ARMC9: variants seen among roughly 807,000 people sequenced by gnomAD.
The protein encoded by ARMC9 is lisH domain-containing protein ARMC9.
A neutral mutation model predicts 107.0 loss-of-function variants in ARMC9; 94 were observed. That is an observed-to-expected ratio of 0.88 (90% confidence interval 0.74 to 1.04). The LOEUF (loss-of-function observed/expected upper bound fraction) is 1.04, where lower values mean the gene tolerates loss of function less well. Ranked by LOEUF, ARMC9 falls within the 50% of genes least tolerant of loss-of-function variation. The pLI is 0.00. For synonymous variants in ARMC9, 380 were observed against 396.9 expected, an observed-to-expected ratio of 0.96 and a Z score of 0.51; for missense variants, 942 against 1,030.1, an observed-to-expected ratio of 0.91 and a Z score of 1.17.
At chr2:231,351,949 C>G (rs962653907) in intron 21 of ARMC9, among the ~76,000 whole-genome samples, 8 of 152,036 alleles carry the variant, frequency 5.3e-5, no homozygotes, top group Non-Finnish European at 1.0e-4. Flanking sequence ...ATGTATTGCA[C>G]ACATTCAGAA....
intron 2 of ARMC9, among the ~76,000 whole-genome samples, chr2:231,207,781 C>G (rs2032242606): frequency 6.6e-6 from 1 of 152,198 alleles, no homozygotes; most frequent in South Asian, 2.1e-4. Context: ...GCCGGTAGTT[C>G]TATTTTTATT....
Position 231,370,076 on chromosome 2 carries a change from GC to G in ARMC9, c.2386del (p.Gln796ArgfsTer50). ...APLFSSCGPQ[Q>X]ASRPGSTASS... is the part of the protein sequence containing the mutation. Reference sequence around the variant, plus strand: ...CTCTGTTCTCTTCGTGTGGCCCCCAGCAGGCCAGCCGCCCCGGCTCCACAGC... The same window carrying G: ...CTCTGTTCTCTTCGTGTGGCCCCCAGAGGCCAGCCGCCCCGGCTCCACAGC... On this transcript the variant is annotated frameshift_variant, in exon 24 of 25. Transcript: ENST00000611582. LOFTEE classifies it high-confidence loss of function. 6.5e-7 allele frequency: 1 copy of G among 1,534,958 alleles called. No homozygotes were observed. The highest frequency in any genetic ancestry group is 8.7e-7 in the Non-Finnish European group (1 of 1,146,190).
At chr2:231,218,986 A>T (rs1303211118) in intron 5 of ARMC9, among the ~76,000 whole-genome samples, 2 of 152,152 alleles carry the variant, frequency 1.3e-5, no homozygotes, top group Non-Finnish European at 1.5e-5. Flanking sequence ...TCCTGACCTC[A>T]GGTGATCCGC....
At chr2:231,214,680 G>A in intron 3 of ARMC9, 151 bp from the exon 4 acceptor site, 2 of 774,586 alleles carry the variant, frequency 2.6e-6, no homozygotes, top group Non-Finnish European at 4.0e-6. Context: ...GGAATCGCAG[G>A]CTCAGGAGCT....
At chr2:231,232,945 G>A (rs982982730) in intron 7 of ARMC9, among the ~76,000 whole-genome samples, 23 of 152,098 alleles carry the variant, frequency 1.5e-4, no homozygotes, top group African/African-American at 5.1e-4. Context: ...CCACCTCCTG[G>A]GTTCAAGCGA....
chr2:231,339,937 C>T (rs2044396204), intron 20 of ARMC9, among the ~76,000 whole-genome samples: 1 of 152,202 alleles, frequency 6.6e-6, no homozygotes, highest in African/African-American at 2.4e-5. Flanking sequence ...CTGTCTCAAC[C>T]ACAACAACAG....
rs3042595 is a variant in ARMC9 at position 231,255,180 on chromosome 2, A to AACACACAC, written c.880-1372_880-1365dup. On this transcript the variant is annotated intron_variant, in intron 9 of 24. Transcript: ENST00000611582. The surrounding 1 kb of genome is among the most constrained non-coding windows in gnomAD (Gnocchi z 4.7). The stretch of plus-strand genomic sequence containing the variant: ...AGCACTACCTGTAGTGGCAAAAAGA[A>AACACACAC]ACACACACACACACACACACACACA... Among the ~76,000 whole-genome samples the AACACACAC allele has an allele frequency of 4.3e-3, 628 of 146,854 alleles. 3 individuals carry two copies. The highest frequency in any genetic ancestry group is 0.012 in the African/African-American group (494 of 40,134).
intron 1 of ARMC9, among the ~76,000 whole-genome samples, chr2:231,203,634 G>A (rs919735237): frequency 5.9e-5 from 9 of 152,108 alleles, no homozygotes; most frequent in Admixed American, 3.9e-4. Flanking sequence ...AGGAGTTCAA[G>A]ACCAGCCTGA....
At chr2:231,308,161 G>C (rs1281256706) in intron 19 of ARMC9, among the ~76,000 whole-genome samples, 1 of 152,236 alleles carries the variant, frequency 6.6e-6, no homozygotes, top group Non-Finnish European at 1.5e-5. Context: ...AGTTCACTGG[G>C]GACCGGAAGA....
At chr2:231,338,853 A>T (rs1302671544) in intron 20 of ARMC9, among the ~76,000 whole-genome samples, 1 of 152,126 alleles carries the variant, frequency 6.6e-6, no homozygotes, top group East Asian at 1.9e-4. Flanking sequence ...TAAACATAAA[A>T]ATGTAATGTT....
chr2:231,209,870 G>A (rs1311237226), intron 3 of ARMC9, among the ~76,000 whole-genome samples: 3 of 152,238 alleles, frequency 2.0e-5, no homozygotes, highest in East Asian at 3.9e-4. Context: ...ATTATGTGGA[G>A]ACAGGGTCTT....
chr2:231,239,857 G>A (rs1385436213), intron 8 of ARMC9, 86 bp from the exon 9 acceptor site: 8 of 1,120,520 alleles, frequency 7.1e-6, no homozygotes, highest in Non-Finnish European at 1.1e-5. Context: ...GCTGTTGAGA[G>A]ACCACTCTAA....
intron 7 of ARMC9, among the ~76,000 whole-genome samples, chr2:231,227,890 A>AG (rs2034802251): frequency 6.6e-6 from 1 of 152,184 alleles, no homozygotes; most frequent in Non-Finnish European, 1.5e-5. Context: ...TGTCGCTCAG[A>AG]GGGGACAGGC....
In ARMC9 at chr2:231,297,972, A is replaced by G. The variant is rs2041485910; in HGVS notation, c.1773+1719A>G. On this transcript the variant is annotated intron_variant, in intron 19 of 24. Coordinates refer to ENST00000611582, the MANE Select transcript of ARMC9 (RefSeq NM_001352754.2). This position sits in a 1 kb window ranked among gnomAD's most constrained non-coding sequence, Gnocchi z 4.2. ...GCTATAAATCCTGTTTTTATCTTAT[A>G]AGGGAAAATTCATTTTGTTCAACTG... Among the ~76,000 whole-genome samples, 1 of 152,092 alleles carries G rather than the reference A, an allele frequency of 6.6e-6. No homozygotes were observed. The highest frequency in any genetic ancestry group is 1.5e-5 in the Non-Finnish European group (1 of 68,026).
chr2:231,226,467 T>C (rs936980974), intron 6 of ARMC9, among the ~76,000 whole-genome samples: 1 of 152,142 alleles, frequency 6.6e-6, no homozygotes, highest in Non-Finnish European at 1.5e-5. Context: ...TTGGTAGCAG[T>C]GGGGAAGGCC....
chr2:231,331,735 C>T (rs980875930), intron 19 of ARMC9, 58 bp from the exon 20 acceptor site: 17 of 1,478,722 alleles, frequency 1.1e-5, no homozygotes, highest in African/African-American at 6.9e-5. Context: ...TGGGGAGCCA[C>T]GCCTTGGGAG....
chr2:231,298,611 C>T (rs907040532), intron 19 of ARMC9, among the ~76,000 whole-genome samples: 1 of 152,098 alleles, frequency 6.6e-6, no homozygotes, highest in Non-Finnish European at 1.5e-5. Flanking sequence ...AAAAATGAAA[C>T]CACTGTTTTC....
intron 19 of ARMC9, among the ~76,000 whole-genome samples, chr2:231,314,071 T>C (rs75149389): frequency 0.054 from 8,057 of 150,376 alleles, 535 homozygotes; most frequent in South Asian, 0.25. Flanking sequence ...CTTTTCTTTT[T>C]TTTTTTTTTT....
intron 18 of ARMC9, chr2:231,294,548 G>C (rs1402143017): frequency 6.6e-6 from 1 of 152,494 alleles, no homozygotes; most frequent in African/African-American, 2.4e-5. Context: ...CACTTCTCAG[G>C]ACAGGATTAT....
Sources: allele counts gnomAD v4.1 joint callset (sites outside exome capture counted in the v4.1 genomes callset), GRCh38; gene constraint gnomAD v4.1.1; non-coding constraint Gnocchi (gnomAD v3.1); transcripts MANE v1.5; gene names NCBI Gene and HGNC (gene_info 2026-07-23, HGNC 2026-07-21).